TANC2: variants seen among roughly 807,000 people sequenced by gnomAD.
TANC2 encodes protein TANC2.
Under a neutral mutation model 210.5 loss-of-function variants are expected in TANC2, and 26 were observed. The observed-to-expected ratio is 0.12, with a 90% CI of 0.09 to 0.17. The LOEUF (loss-of-function observed/expected upper bound fraction) is 0.17. Among genes scored for constraint, TANC2 ranks in the 10% least tolerant of loss-of-function variants. The pLI is 1.00. For synonymous variants in TANC2, 931 were observed against 967.1 expected (o/e 0.96, Z 0.69); for missense variants, 2,129 against 2,608.9 (o/e 0.82, Z 4.01).
At chr17:63,023,945 A>C (rs2034450563) in intron 2 of TANC2, among the ~76,000 whole-genome samples, 1 of 152,236 alleles carries the variant, frequency 6.6e-6, no homozygotes, top group South Asian at 2.1e-4. Flanking sequence ...CTCATCAGAT[A>C]GACACATGTA....
chr17:63,035,818 C>G (rs1018383574), intron 2 of TANC2, among the ~76,000 whole-genome samples: 2 of 152,158 alleles, frequency 1.3e-5, no homozygotes, highest in Admixed American at 6.6e-5. Context: ...TTTTCATTCC[C>G]ACCAGCAACA....
At chr17:62,990,338 ACACGAACAGAGCT>A (rs1010653917) in intron 1 of TANC2, among the ~76,000 whole-genome samples, 4 of 152,044 alleles carry the variant, frequency 2.6e-5, no homozygotes, top group Admixed American at 1.3e-4. Context: ...GAGTGCAGTG[ACACGAACAGAGCT>A]CACTGCAGCC....
At chr17:63,089,825 C>T (rs981745616) in intron 3 of TANC2, among the ~76,000 whole-genome samples, 47 of 152,020 alleles carry the variant, frequency 3.1e-4, no homozygotes, top group Admixed American at 5.2e-4. Context: ...CAGACTACCA[C>T]CTGTGCTGTT....
At chr17:63,209,996 A>G (rs142328853) in intron 7 of TANC2, among the ~76,000 whole-genome samples, 8 of 152,346 alleles carry the variant, frequency 5.3e-5, no homozygotes, top group African/African-American at 1.9e-4. Context: ...ACGTGTAGTT[A>G]TGATACATTT....
chr17:63,283,881 T>C (rs377719272), intron 9 of TANC2, among the ~76,000 whole-genome samples: 3 of 152,000 alleles, frequency 2.0e-5, no homozygotes, highest in East Asian at 1.9e-4. Context: ...TGACTTTTTT[T>C]AATAGATTCA....
intron 6 of TANC2, among the ~76,000 whole-genome samples, chr17:63,196,485 CTTG>C (rs1219655327): frequency 6.6e-6 from 1 of 152,142 alleles, no homozygotes; most frequent in Non-Finnish European, 1.5e-5. Context: ...AAAATTTGTA[CTTG>C]TTGTTCTTGA....
intron 5 of TANC2, chr17:63,152,807 A>G (rs2039700886): frequency 6.6e-6 from 1 of 152,148 alleles, no homozygotes; most frequent in South Asian, 2.1e-4. Flanking sequence ...ATGGGGGCCT[A>G]ATCTTTCACT....
intron 3 of TANC2, among the ~76,000 whole-genome samples, chr17:63,097,677 A>G (rs1274943295): frequency 6.6e-6 from 1 of 152,174 alleles, no homozygotes; most frequent in Non-Finnish European, 1.5e-5. Flanking sequence ...GGGCTAGATA[A>G]GCTTGTTCTA....
intron 2 of TANC2, among the ~76,000 whole-genome samples, chr17:63,025,571 G>A (rs575430270): frequency 4.8e-4 from 73 of 152,132 alleles, no homozygotes; most frequent in Non-Finnish European, 8.7e-4. Flanking sequence ...TGAGGTGGGC[G>A]GATCACATGA....
chr17:63,160,356 A>G (rs1024093450), intron 5 of TANC2, among the ~76,000 whole-genome samples: 6 of 152,232 alleles, frequency 3.9e-5, no homozygotes, highest in Non-Finnish European at 8.8e-5. Flanking sequence ...TCTTGGCAAC[A>G]TAGTGAGACC....
intron 6 of TANC2, among the ~76,000 whole-genome samples, chr17:63,200,049 T>TC (rs1410741497): frequency 2.0e-5 from 3 of 152,062 alleles, no homozygotes; most frequent in East Asian, 3.9e-4. Flanking sequence ...ATTTTTTTTT[T>TC]CCCTTCCATC....
intron 3 of TANC2, among the ~76,000 whole-genome samples, chr17:63,091,344 G>T (rs1241445277): frequency 1.3e-5 from 2 of 152,106 alleles, no homozygotes; most frequent in African/African-American, 4.8e-5. Context: ...ATGGTTTTAG[G>T]TCTTACATTT....
At position 63,406,005 on chromosome 17, in the gene TANC2, G is replaced by A. The variant is rs2048492939; in HGVS notation, c.3466-149G>A. 7 of 945,760 alleles carry A rather than the reference G, an allele frequency of 7.4e-6. No homozygotes were observed. The South Asian group carries it at 9.5e-5, about 13-fold the overall frequency. The allele number at this position is 945,760 out of a possible 1,614,324, so 58.6% of individuals were successfully genotyped here. A position where few individuals can be genotyped will look rare whatever the true frequency, so the allele number is the denominator to read the frequency against. On this transcript the variant is annotated intron_variant, in intron 20 of 27. Transcript: ENST00000689528. ...GAGAGATTAAATCACATGGTACTAG[G>A]ACTATACAGGTACTTATGGGGGAAG... is the stretch of plus-strand genomic sequence containing the variant.
chr17:63,109,375 A>G (rs1338490064), intron 4 of TANC2, among the ~76,000 whole-genome samples: 1 of 151,716 alleles, frequency 6.6e-6, no homozygotes, highest in Admixed American at 6.6e-5. Context: ...GAAATTAGTC[A>G]CTAATCTTTT....
intron 14 of TANC2, among the ~76,000 whole-genome samples, chr17:63,379,246 C>G (rs929294596): frequency 6.6e-6 from 1 of 152,284 alleles, no homozygotes; most frequent in Non-Finnish European, 1.5e-5. Flanking sequence ...AAGGAACTGC[C>G]TAGGAACCTT....
intron 4 of TANC2, among the ~76,000 whole-genome samples, chr17:63,130,548 A>G (rs778351813): frequency 1.5e-4 from 23 of 151,910 alleles, no homozygotes; most frequent in Admixed American, 3.9e-4. Context: ...CCAATTTACT[A>G]TCTTTTATTT....
chr17:63,009,245 A>G (rs571391527), intron 1 of TANC2, among the ~76,000 whole-genome samples: 1 of 151,788 alleles, frequency 6.6e-6, no homozygotes, highest in Non-Finnish European at 1.5e-5. Flanking sequence ...TGAATAGACA[A>G]GTTTTCTTTT....
At chr17:63,276,009 A>G (rs1381508248) in intron 9 of TANC2, among the ~76,000 whole-genome samples, 1 of 152,176 alleles carries the variant, frequency 6.6e-6, no homozygotes, top group Non-Finnish European at 1.5e-5. Flanking sequence ...CTCAAAAGTG[A>G]CTAGGTCTAT....
At chr17:62,994,087 T>G (rs1215981906) in intron 1 of TANC2, among the ~76,000 whole-genome samples, 1 of 152,224 alleles carries the variant, frequency 6.6e-6, no homozygotes, top group Non-Finnish European at 1.5e-5. Flanking sequence ...TATTTCTTCC[T>G]TTCTAATTTG....
Sources: allele counts gnomAD v4.1 joint callset (sites outside exome capture counted in the v4.1 genomes callset), GRCh38; gene constraint gnomAD v4.1.1; transcripts MANE v1.5; gene names NCBI Gene and HGNC (gene_info 2026-07-23, HGNC 2026-07-21).